The following KCNIP4 variants were observed in gnomAD, a reference collection of about 807,000 sequenced individuals.
KCNIP4 encodes Kv channel-interacting protein 4.
Under a neutral mutation model 34.0 loss-of-function variants are expected in KCNIP4, and 12 were observed. The ratio of observed to expected loss-of-function variants is 0.35; its 90% CI spans 0.23 to 0.57. The LOEUF (loss-of-function observed/expected upper bound fraction) is 0.57, where lower values mean the gene tolerates loss of function less well. Ranked by LOEUF, KCNIP4 falls within the 20% of genes least tolerant of loss-of-function variation. The pLI, the probability that KCNIP4 is intolerant of heterozygous loss-of-function variation, is 0.83. For missense variants in KCNIP4, 238 were observed against 311.7 expected, an observed-to-expected ratio of 0.76 and a Z score of 1.78; for synonymous variants, 124 against 102.2, an observed-to-expected ratio of 1.21 and a Z score of -1.29.
At chr4:21,756,866 G>T (rs1206313337) in intron 1 of KCNIP4, among the ~76,000 whole-genome samples, 1 of 151,912 alleles carries the variant, frequency 6.6e-6, no homozygotes, top group Admixed American at 6.6e-5. Flanking sequence ...GGAAGCTGAG[G>T]TAGGCAGATC....
At chr4:21,380,846 A>G (rs1226339507) in intron 1 of KCNIP4, among the ~76,000 whole-genome samples, 1 of 151,830 alleles carries the variant, frequency 6.6e-6, no homozygotes, top group Non-Finnish European at 1.5e-5. Context: ...GGTGACACAC[A>G]CACACACACA....
At chr4:21,449,472 G>A (rs1024650600) in intron 1 of KCNIP4, among the ~76,000 whole-genome samples, 2 of 151,970 alleles carry the variant, frequency 1.3e-5, no homozygotes, top group African/African-American at 4.8e-5. Context: ...TGATATTGTA[G>A]TAATTTGTTA....
intron 1 of KCNIP4, among the ~76,000 whole-genome samples, chr4:20,986,816 G>A (rs184285263): frequency 1.3e-5 from 2 of 152,244 alleles, no homozygotes; most frequent in East Asian, 3.9e-4. Flanking sequence ...ATATGATTTT[G>A]TTGGTTTCAG....
At chr4:21,097,140 A>G (rs145514828) in intron 1 of KCNIP4, among the ~76,000 whole-genome samples, 263 of 152,344 alleles carry the variant, frequency 1.7e-3, no homozygotes, top group African/African-American at 6.1e-3. Flanking sequence ...CAAGACATGT[A>G]CAGAGATGTT....
At chr4:21,177,058 C>G (rs1281115974) in intron 1 of KCNIP4, among the ~76,000 whole-genome samples, 1 of 152,142 alleles carries the variant, frequency 6.6e-6, no homozygotes, top group Non-Finnish European at 1.5e-5. Flanking sequence ...AAGAAAAGCA[C>G]TTAATTGATA....
intron 1 of KCNIP4, among the ~76,000 whole-genome samples, chr4:21,114,706 T>A (rs1749538420): frequency 6.6e-6 from 1 of 152,118 alleles, no homozygotes; most frequent in Non-Finnish European, 1.5e-5. Context: ...TATAACCACA[T>A]CACAATACTT....
At chr4:21,144,431 CA>C (rs1166829422) in intron 1 of KCNIP4, among the ~76,000 whole-genome samples, 1 of 151,976 alleles carries the variant, frequency 6.6e-6, no homozygotes, top group East Asian at 1.9e-4. Flanking sequence ...GAGTTTATGT[CA>C]AAAAAAGAGC....
At chr4:21,422,029 A>T (rs777420803) in intron 1 of KCNIP4, among the ~76,000 whole-genome samples, 5 of 152,186 alleles carry the variant, frequency 3.3e-5, no homozygotes, top group African/African-American at 7.2e-5. Flanking sequence ...TATGAGACAT[A>T]TCTCTGTTAC....
intron 1 of KCNIP4, among the ~76,000 whole-genome samples, chr4:21,221,399 T>G (rs1470427098): frequency 1.3e-5 from 2 of 152,176 alleles, no homozygotes; most frequent in Admixed American, 6.5e-5. Context: ...CAGTTCAGCA[T>G]GCCTGGGGAG....
At chr4:20,759,864 C>T (rs1233423964) in intron 3 of KCNIP4, among the ~76,000 whole-genome samples, 1 of 152,126 alleles carries the variant, frequency 6.6e-6, no homozygotes, top group Admixed American at 6.6e-5. Flanking sequence ...GAGATATTAA[C>T]TGTATGGTGA....
At chr4:20,879,157 A>G (rs1724401982) in intron 2 of KCNIP4, among the ~76,000 whole-genome samples, 1 of 152,178 alleles carries the variant, frequency 6.6e-6, no homozygotes, top group Admixed American at 6.5e-5. Context: ...GGGATGGGCC[A>G]AAAATGTGAA....
At chr4:21,528,796 G>A (rs3967121) in intron 1 of KCNIP4, among the ~76,000 whole-genome samples, 101 of 8,776 alleles carry the variant, frequency 0.012, 25 homozygotes, top group African/African-American at 0.04. Context: ...AGGAAGAAAG[G>A]AAGAAAGGAA....
chr4:21,455,842 T>TTTTTTACAGA (rs1728914266), intron 1 of KCNIP4, among the ~76,000 whole-genome samples: 1 of 98,496 alleles, frequency 1.0e-5, no homozygotes, highest in African/African-American at 4.8e-5. Flanking sequence ...TATATATATA[T>TTTTTTACAGA]ATATATATAT....
At chr4:20,857,209 C>T (rs373792228) in intron 2 of KCNIP4, among the ~76,000 whole-genome samples, 1 of 152,026 alleles carries the variant, frequency 6.6e-6, no homozygotes, top group Non-Finnish European at 1.5e-5. Flanking sequence ...CAGCAATCAC[C>T]AGCATATGAT....
At chr4:21,103,167 T>C (rs1748099136) in intron 1 of KCNIP4, among the ~76,000 whole-genome samples, 1 of 151,572 alleles carries the variant, frequency 6.6e-6, no homozygotes, top group Admixed American at 6.6e-5. Flanking sequence ...AAATAACAGC[T>C]TTTCCATTTA....
In KCNIP4 at chr4:21,107,501, A is replaced by C. The variant is rs1037316478; in HGVS notation, c.62-224792T>G. On this transcript the variant is annotated intron_variant, in intron 1 of 8. Coordinates refer to ENST00000382152, the MANE Select transcript of KCNIP4 (RefSeq NM_025221.6). ...TTTGAGCCTATGTGTGTCTCTGCAC[A>C]TGAGATGGGTTTCCTGAATACAGCA... Among the ~76,000 whole-genome samples, 14 of 150,854 alleles carry C rather than the reference A, an allele frequency of 9.3e-5. 1 individual carries two copies. The highest frequency in any genetic ancestry group is 3.0e-4 in the African/African-American group (12 of 40,398).
At chr4:20,910,319 G>A (rs543461259) in intron 1 of KCNIP4, among the ~76,000 whole-genome samples, 2 of 151,944 alleles carry the variant, frequency 1.3e-5, no homozygotes, top group East Asian at 3.9e-4. Context: ...TACTTGAAGG[G>A]GAGGAAGCTT....
At chr4:21,308,462 G>A (rs1013771089) in intron 1 of KCNIP4, among the ~76,000 whole-genome samples, 1 of 152,170 alleles carries the variant, frequency 6.6e-6, no homozygotes, top group African/African-American at 2.4e-5. Flanking sequence ...ACAAAGGCTT[G>A]TGAAGGACTA....
At chr4:21,519,793 G>GTT (rs1323621239) in intron 1 of KCNIP4, among the ~76,000 whole-genome samples, 1 of 127,140 alleles carries the variant, frequency 7.9e-6, no homozygotes, top group African/African-American at 3.1e-5. Flanking sequence ...GTATGTGTGT[G>GTT]TATACACGTG....
Sources: allele counts gnomAD v4.1 joint callset (sites outside exome capture counted in the v4.1 genomes callset), GRCh38; gene constraint gnomAD v4.1.1; transcripts MANE v1.5; gene names NCBI Gene and HGNC (gene_info 2026-07-23, HGNC 2026-07-21).